The following RAB25 variants were observed in gnomAD, a reference collection of about 807,000 sequenced individuals.
The protein encoded by RAB25 is RAB25, member RAS oncogene family.
In RAB25, 23 loss-of-function variants were observed where a neutral mutation model predicts 25.2. That is an observed-to-expected ratio of 0.91 (90% CI 0.66 to 1.29). RAB25 has a LOEUF of 1.29. Among genes scored for constraint, RAB25 ranks in the 50% most tolerant of loss-of-function variants. The pLI is 0.00. For missense variants in RAB25, 244 were observed against 277.3 expected (o/e 0.88, Z 0.85); for synonymous variants, 102 against 111.5 (o/e 0.91, Z 0.54).
At chr1:156,067,637 C>A (rs964297127) in intron 2 of RAB25, among the ~76,000 whole-genome samples, 1 of 152,208 alleles carries the variant, frequency 6.6e-6, no homozygotes. Context: ...GGCTAAAGCC[C>A]AGATGTGCAC....
chr1:156,070,254 T>C lies in RAB25; in HGVS notation c.609T>C (p.Pro203=). ...GSAQAGQEPG[P]GEKRACCISL is the part of the protein sequence containing the mutation. ...CCCAGGCTGGACAGGAGCCTGGCCCTGGGGAGAAGAGGGCCTGTTGCATCA... is the reference window on the plus strand; with the variant it reads ...CCCAGGCTGGACAGGAGCCTGGCCCCGGGGAGAAGAGGGCCTGTTGCATCA... Residue 203 remains proline, a synonymous_variant, in exon 5 of 5, where the codon CCT becomes CCC. Coordinates refer to ENST00000361084, the MANE Select transcript of RAB25 (RefSeq NM_020387.4). 2 of 1,614,068 alleles carry C rather than the reference T, an allele frequency of 1.2e-6. No homozygotes were observed. The highest frequency in any genetic ancestry group is 8.5e-7 in the Non-Finnish European group (1 of 1,179,988).
At chr1:156,068,940 C>T (rs550958271) in intron 3 of RAB25, among the ~76,000 whole-genome samples, 77 of 151,972 alleles carry the variant, frequency 5.1e-4, no homozygotes, top group Admixed American at 7.2e-4. Flanking sequence ...CCAGCTGCCT[C>T]GGCCTCCCAA....
chr1:156,065,771 C>G (rs1325113799), intron 1 of RAB25, 140 bp from the exon 2 acceptor site: 6 of 611,772 alleles, frequency 9.8e-6, no homozygotes, highest in Non-Finnish European at 1.3e-5. Context: ...GAGTTGCAGA[C>G]TCCAGTCTCA....
chr1:156,069,963 G>A, intron 4 of RAB25, 197 bp from the exon 5 acceptor site: 1 of 907,238 alleles, frequency 1.1e-6, no homozygotes, highest in Non-Finnish European at 1.7e-6. Context: ...CCATGGGGCT[G>A]ACTCTTGGTT....
In RAB25 at chr1:156,061,659, G is replaced by A. The variant is rs191824355; in HGVS notation, c.43+216G>A. 1.4e-3 allele frequency among the ~76,000 whole-genome samples: 218 copies of A among 152,276 alleles called. 1 individual carries two copies. The highest frequency in any genetic ancestry group is 5.1e-3 in the African/African-American group (212 of 41,552). ...AGTATGCTCTACTGTGGTAAATAAT[G>A]ATGTTGATTCCTCCTTAAGAGTGCT... On this transcript the variant is annotated intron_variant, in intron 1 of 4. Transcript: ENST00000361084.
chr1:156,064,560 A>G (rs1229917394), intron 1 of RAB25, among the ~76,000 whole-genome samples: 1 of 151,896 alleles, frequency 6.6e-6, no homozygotes, highest in African/African-American at 2.4e-5. Flanking sequence ...GACTACAGAC[A>G]CATGCTACCA....
chr1:156,069,370 G>C (rs1307070346), intron 3 of RAB25, among the ~76,000 whole-genome samples: 1 of 151,894 alleles, frequency 6.6e-6, no homozygotes, highest in Non-Finnish European at 1.5e-5. Context: ...TAGTGGAGAC[G>C]GGGTTTCACC....
chr1:156,065,846 C>T, intron 1 of RAB25, 65 bp from the exon 2 acceptor site: 1 of 1,325,116 alleles, frequency 7.5e-7, no homozygotes, highest in Non-Finnish European at 1.0e-6. Flanking sequence ...GGCAGACCCT[C>T]CAAGCTCAGG....
intron 1 of RAB25, 119 bp from the exon 2 acceptor site, chr1:156,065,792 C>T (rs896898511): frequency 1.8e-5 from 14 of 774,308 alleles, no homozygotes; most frequent in Admixed American, 6.0e-5. Flanking sequence ...CAGGAGACTC[C>T]GTTCCCTAAT....
chr1:156,065,414 C>T (rs950846250), intron 1 of RAB25, among the ~76,000 whole-genome samples: 1 of 152,262 alleles, frequency 6.6e-6, no homozygotes, highest in African/African-American at 2.4e-5. Flanking sequence ...TTTCTCCTTA[C>T]CCACACTTTG....
chr1:156,070,174 G>T lies in RAB25; in HGVS notation c.529G>T (p.Val177Leu). ...ETVLKEIFAK[V>L]SKQRQNSIRT... ...TGCCCTCCCAGAAATCTTTGCGAAG[G>T]TGTCCAAGCAGAGACAGAACAGCAT... Residue 177 changes from valine to leucine, a missense_variant, in exon 5 of 5, where the codon GTG becomes TTG. Transcript: ENST00000361084. The T allele has an allele frequency of 6.2e-7, 1 of 1,614,078 alleles. No homozygotes were observed. Among genetic ancestry groups the T allele is most frequent in the Non-Finnish European group, 8.5e-7 (1 of 1,180,002 alleles).
chr1:156,070,326 G>A lies in RAB25; in HGVS notation c.*39G>A. On this transcript the variant is annotated 3_prime_UTR_variant, in exon 5 of 5. Coordinates refer to ENST00000361084, the MANE Select transcript of RAB25 (RefSeq NM_020387.4). The stretch of plus-strand genomic sequence containing the variant: ...CACCTGCCCCCACTGGCTTTTTGGT[G>A]CCCCTTGTCCCCACTTCAGCCCCAG... 1 of 1,605,350 alleles carries A rather than the reference G, an allele frequency of 6.2e-7. No individual in the cohort carries two copies. Among genetic ancestry groups the A allele is most frequent in the Non-Finnish European group, 8.5e-7 (1 of 1,174,694 alleles).
chr1:156,064,664 C>T (rs548112005), intron 1 of RAB25, among the ~76,000 whole-genome samples: 12 of 152,350 alleles, frequency 7.9e-5, no homozygotes, highest in African/African-American at 2.6e-4. Context: ...ATACTCCCGC[C>T]TTGGCCTCCC....
At chr1:156,068,529 C>A in intron 3 of RAB25, 66 bp downstream of exon 3, 1 of 1,509,608 alleles carries the variant, frequency 6.6e-7, no homozygotes, top group Non-Finnish European at 9.0e-7. Flanking sequence ...TGCAGTCTCC[C>A]AGCCCCTGCC....
rs768516031 is a variant in RAB25 at position 156,066,114 on chromosome 1, C to G, written c.239+8C>G. 6.5e-7 allele frequency: 1 copy of G among 1,538,046 alleles called. No individual in the cohort carries two copies. Among genetic ancestry groups the G allele is most frequent in the African/African-American group, 1.4e-5 (1 of 72,064 alleles). On this transcript the variant is annotated splice_region_variant and intron_variant, in intron 2 of 4. Coordinates refer to ENST00000361084, the MANE Select transcript of RAB25 (RefSeq NM_020387.4). ...CCGAGCCATCACCTCGGCGTGAGCC[C>G]GGGCCTGGGGGGCTGCTGGGTGGTG...
Position 156,061,166 on chromosome 1 carries a change from T to C in RAB25, c.-235T>C. 2.2e-6 allele frequency: 1 copy of C among 450,034 alleles called. No individual in the cohort carries two copies. Among genetic ancestry groups the C allele is most frequent in the Non-Finnish European group, 4.0e-6 (1 of 249,394 alleles). The allele number at this position is 450,034 out of a possible 1,614,324, so 27.9% of individuals were successfully genotyped here. A position where few individuals can be genotyped will look rare whatever the true frequency, so the allele number is the denominator to read the frequency against. ...CCACCCCGCTCTTCCTGTTCTCAGC[T>C]TCCGTCCTCTCTGCTTCCTTACAGC... On this transcript the variant is annotated 5_prime_UTR_variant, in exon 1 of 5. Coordinates refer to ENST00000361084, the MANE Select transcript of RAB25 (RefSeq NM_020387.4).
chr1:156,067,907 C>T (rs1020705644), intron 2 of RAB25, among the ~76,000 whole-genome samples: 1 of 152,224 alleles, frequency 6.6e-6, no homozygotes, highest in African/African-American at 2.4e-5. Flanking sequence ...CATGCGCCAT[C>T]ATGCCCGGCT....
intron 2 of RAB25, among the ~76,000 whole-genome samples, chr1:156,067,610 T>C (rs1647778679): frequency 6.6e-6 from 1 of 152,178 alleles, no homozygotes; most frequent in South Asian, 2.1e-4. Flanking sequence ...GAGGAAGATC[T>C]TGAAGGTGGC....
chr1:156,061,317 G>A lies in RAB25; in HGVS notation c.-84G>A, dbSNP rs1475421994. The A allele has an allele frequency of 6.5e-6, 9 of 1,383,748 alleles. No homozygotes were observed. Among genetic ancestry groups the A allele is most frequent in the South Asian group, 1.2e-5 (1 of 85,786 alleles). The allele number at this position is 1,383,748 out of a possible 1,614,324, so 85.7% of individuals were successfully genotyped here. A position where few individuals can be genotyped will look rare whatever the true frequency, so the allele number is the denominator to read the frequency against. On this transcript the variant is annotated 5_prime_UTR_variant, in exon 1 of 5. Transcript: ENST00000361084. ...AGGGGCAGGACCAGATCTTTTGAGA[G>A]CTGAGGGTTGAGGGCATTGAGCCAA...
Sources: gnomAD v4.1 joint callset for allele counts (sites outside exome capture counted in the v4.1 genomes callset) on GRCh38, gnomAD v4.1.1 for gene constraint, MANE v1.5 for transcripts, NCBI Gene and HGNC (gene_info 2026-07-23, HGNC 2026-07-21) for gene names.